PLS1: variants seen among roughly 807,000 people sequenced by gnomAD.
The protein encoded by PLS1 is plastin 1.
Under a neutral mutation model 73.7 loss-of-function variants are expected in PLS1, and 32 were observed. The ratio of observed to expected loss-of-function variants is 0.43; its 90% CI spans 0.33 to 0.58. The LOEUF (loss-of-function observed/expected upper bound fraction) is 0.58, where lower values mean the gene tolerates loss of function less well. Ranked by LOEUF, PLS1 falls within the 20% of genes least tolerant of loss-of-function variation. The pLI is 0.04. For synonymous variants in PLS1, 217 were observed against 261.3 expected (o/e 0.83, Z 1.63); for missense variants, 633 against 740.5 (o/e 0.85, Z 1.68).
Position 142,676,003 on chromosome 3 carries a change from C to T in PLS1, c.365-154C>T, listed in dbSNP as rs1271950889. On this transcript the variant is annotated intron_variant, in intron 4 of 15. Transcript: ENST00000457734. ...GCCACCTTTCTTCTTTTCTTGAACCCTTTTGTGTTTTAGTAGATTTGTAAT... is the reference window on the plus strand; with the variant it reads ...GCCACCTTTCTTCTTTTCTTGAACCTTTTTGTGTTTTAGTAGATTTGTAAT... 2.0e-5 allele frequency among the ~76,000 whole-genome samples: 3 copies of T among 152,120 alleles called. No homozygotes were observed. The East Asian group carries it at 5.8e-4, about 29-fold the overall frequency.
intron 1 of PLS1, chr3:142,656,660 T>C (rs1024714467): frequency 6.6e-6 from 1 of 152,240 alleles, no homozygotes; most frequent in African/African-American, 2.4e-5. Flanking sequence ...TCCTTTAAAC[T>C]AGAAGGAAAA....
chr3:142,664,400 C>T (rs2037433605), intron 2 of PLS1, 93 bp downstream of exon 2: 3 of 608,160 alleles, frequency 4.9e-6, no homozygotes, highest in South Asian at 2.2e-5. Context: ...TCTACCACCA[C>T]CCAATTACCT....
chr3:142,710,447 G>C (rs112202665), intron 14 of PLS1, among the ~76,000 whole-genome samples: 2,457 of 151,722 alleles, frequency 0.016, 73 homozygotes, highest in African/African-American at 0.056. Context: ...CTTTTTTTCC[G>C]TTTTTGTCTC....
At position 142,711,880 on chromosome 3, in the gene PLS1, T is replaced by C. The variant is rs1354908181; in HGVS notation, c.1763T>C (p.Ile588Thr). 6 of 1,613,790 alleles carry C rather than the reference T, an allele frequency of 3.7e-6. No individual in the cohort carries two copies. Among genetic ancestry groups the C allele is most frequent in the South Asian group, 3.3e-5 (3 of 91,064 alleles). Residue 588 changes from isoleucine to threonine, a missense_variant, in exon 16 of 16, where the codon ATT becomes ACT. Coordinates refer to ENST00000457734, the MANE Select transcript of PLS1 (RefSeq NM_001145319.2). ...TTTCTTGTCTCTTCAAGATACGCCA[T>C]TTCAGTTGCTCGAAAGATCGGTGCC... ...EDKLNNAKYA[I>T]SVARKIGARI...
chr3:142,613,782 CA>C (rs548244747), intron 1 of PLS1, among the ~76,000 whole-genome samples: 80 of 152,184 alleles, frequency 5.3e-4, no homozygotes, highest in Non-Finnish European at 8.7e-4. Context: ...GATCTTTGTA[CA>C]CTTTTATTGC....
chr3:142,669,241 C>T, intron 2 of PLS1, 149 bp from the exon 3 acceptor site: 1 of 517,288 alleles, frequency 1.9e-6, no homozygotes, highest in East Asian at 3.1e-5. Flanking sequence ...ATATTCTGTA[C>T]AGTTCAGGTA....
intron 10 of PLS1, among the ~76,000 whole-genome samples, chr3:142,692,255 T>C (rs1380511165): frequency 6.6e-6 from 1 of 152,186 alleles, no homozygotes; most frequent in Non-Finnish European, 1.5e-5. Context: ...CTATTTTTTA[T>C]TATTTGTAGA....
At chr3:142,703,289 ATTTTTT>A (rs56392615) in intron 12 of PLS1, among the ~76,000 whole-genome samples, 17 of 105,066 alleles carry the variant, frequency 1.6e-4, no homozygotes, top group South Asian at 3.6e-4. Flanking sequence ...ATAGTCAAGA[ATTTTTT>A]TTTTTTTTTT....
intron 1 of PLS1, among the ~76,000 whole-genome samples, chr3:142,618,691 T>C (rs1292631336): frequency 6.6e-6 from 1 of 152,200 alleles, no homozygotes; most frequent in Non-Finnish European, 1.5e-5. Context: ...TTCATCTTCA[T>C]AGCCAGCGAC....
rs1020148561 is a variant in PLS1, at chr3:142,703,885, T to C, written c.1389T>C (p.Tyr463=). 87 of 1,609,158 alleles carry C rather than the reference T, an allele frequency of 5.4e-5. No individual in the cohort carries two copies. Among genetic ancestry groups the C allele is most frequent in the Non-Finnish European group, 6.4e-5 (75 of 1,175,556 alleles). The part of the protein sequence containing the change: ...GNMKKIENCN[Y]AVELGKNKAK... ...ATTTATAGATTGAAAACTGTAACTATGCAGTGGAACTTGGGAAGAACAAGG... is the reference window on the plus strand; with the variant it reads ...ATTTATAGATTGAAAACTGTAACTACGCAGTGGAACTTGGGAAGAACAAGG... Residue 463 remains tyrosine, a synonymous_variant, in exon 13 of 16, where the codon TAT becomes TAC. Transcript: ENST00000457734.
intron 1 of PLS1, among the ~76,000 whole-genome samples, chr3:142,630,493 C>G (rs1161114285): frequency 6.6e-6 from 1 of 151,446 alleles, no homozygotes; most frequent in Non-Finnish European, 1.5e-5. Flanking sequence ...TGGCTCATGC[C>G]TGTAATCCCA....
chr3:142,691,372 CA>C (rs1289306119), intron 10 of PLS1, among the ~76,000 whole-genome samples: 6 of 151,748 alleles, frequency 4.0e-5, no homozygotes, highest in Non-Finnish European at 8.8e-5. Context: ...AAAAAATAAG[CA>C]AAAGCAACAC....
At chr3:142,689,237 A>G (rs2107907842) in intron 9 of PLS1, among the ~76,000 whole-genome samples, 1 of 152,230 alleles carries the variant, frequency 6.6e-6, no homozygotes, top group African/African-American at 2.4e-5. Flanking sequence ...CAGCCTGGCC[A>G]ACATGGCAAA....
Position 142,683,348 on chromosome 3 carries a change from C to T in PLS1, c.580-658C>T, listed in dbSNP as rs1037400176. Among the ~76,000 whole-genome samples, 26 of 152,152 alleles carry T rather than the reference C, an allele frequency of 1.7e-4. 1 individual carries two copies. The highest frequency in any genetic ancestry group is 1.1e-3 in the Admixed American group (17 of 15,282). On this transcript the variant is annotated intron_variant, in intron 6 of 15. Transcript: ENST00000457734. ...TGAAACGCCATCTCTACTAAAAACACGAAAAACTGGCCGGGCGTGGTGGCG... is the reference window on the plus strand; with the variant it reads ...TGAAACGCCATCTCTACTAAAAACATGAAAAACTGGCCGGGCGTGGTGGCG...
Position 142,712,090 on chromosome 3 carries a change from C to G in PLS1, c.*83C>G. ...ATTCTGAAATGTAGTGGGTGTAAAA[C>G]CAGAGATTATTTGTATGCTCAAAAT... On this transcript the variant is annotated 3_prime_UTR_variant, in exon 16 of 16. Coordinates refer to ENST00000457734, the MANE Select transcript of PLS1 (RefSeq NM_001145319.2). The G allele has an allele frequency of 8.2e-7, 1 of 1,216,846 alleles. No individual in the cohort carries two copies. The highest frequency in any genetic ancestry group is 1.2e-6 in the Non-Finnish European group (1 of 831,446). The allele number at this position is 1,216,846 out of a possible 1,614,324, so 75.4% of individuals were successfully genotyped here. A position where few individuals can be genotyped will look rare whatever the true frequency, so the allele number is the denominator to read the frequency against.
chr3:142,648,779 G>A (rs950268781), intron 1 of PLS1, among the ~76,000 whole-genome samples: 3 of 152,102 alleles, frequency 2.0e-5, no homozygotes, highest in African/African-American at 7.2e-5. Flanking sequence ...CTCCTGAATT[G>A]TCTGCCATAC....
intron 1 of PLS1, among the ~76,000 whole-genome samples, chr3:142,629,467 C>T (rs929003527): frequency 6.6e-6 from 1 of 152,202 alleles, no homozygotes. Context: ...TCCCAAAGTG[C>T]TGGGTTTACA....
chr3:142,648,118 T>C (rs896859183), intron 1 of PLS1, among the ~76,000 whole-genome samples: 60 of 152,360 alleles, frequency 3.9e-4, no homozygotes, highest in African/African-American at 1.4e-3. Flanking sequence ...GCACAACACC[T>C]AGCACCTTAG....
chr3:142,675,961 G>A lies in PLS1; in HGVS notation c.365-196G>A, dbSNP rs568513103. 4.1e-4 allele frequency among the ~76,000 whole-genome samples: 63 copies of A among 152,298 alleles called. 1 individual carries two copies. The South Asian group carries it at 6.4e-3, about 16-fold the overall frequency. On this transcript the variant is annotated intron_variant, in intron 4 of 15. Coordinates refer to ENST00000457734, the MANE Select transcript of PLS1 (RefSeq NM_001145319.2). ...TTTGGGAAGTGCTGGGATTACAGGC[G>A]TGAGCCACCACACCCAGCCACCTTT...
Sources: allele counts gnomAD v4.1 joint callset (sites outside exome capture counted in the v4.1 genomes callset), GRCh38; gene constraint gnomAD v4.1.1; transcripts MANE v1.5; gene names NCBI Gene and HGNC (gene_info 2026-07-23, HGNC 2026-07-21).